ZBTB41: variants seen among roughly 807,000 people sequenced by gnomAD.
ZBTB41 encodes zinc finger and BTB domain-containing protein 41.
Under a neutral mutation model 87.6 loss-of-function variants are expected in ZBTB41, and 42 were observed. That is an observed-to-expected ratio of 0.48 (90% CI 0.37 to 0.62). The LOEUF is 0.62. Among genes scored for constraint, ZBTB41 ranks in the 20% least tolerant of loss-of-function variants. The probability of loss-of-function intolerance (pLI) is 0.00; values close to 1 mark genes in which losing one functional copy is unlikely to be tolerated. For missense variants in ZBTB41, 799 were observed against 1,078.9 expected (o/e 0.74, Z 3.63); for synonymous variants, 364 against 364.0 (o/e 1.00, Z 0.00).
At chr1:197,168,611 C>A (rs1210924135) in intron 10 of ZBTB41, among the ~76,000 whole-genome samples, 1 of 151,780 alleles carries the variant, frequency 6.6e-6, no homozygotes, top group Non-Finnish European at 1.5e-5. Flanking sequence ...CAAACAAAAA[C>A]AAATTATAGA....
intron 9 of ZBTB41, among the ~76,000 whole-genome samples, chr1:197,172,849 T>C (rs1398507406): frequency 1.3e-5 from 2 of 152,086 alleles, no homozygotes. Flanking sequence ...ATTGCTCTCA[T>C]CAGTTCATGT....
At chr1:197,200,653 G>A (rs1265467315) in intron 1 of ZBTB41, 63 bp from the exon 2 acceptor site, 3 of 479,608 alleles carry the variant, frequency 6.3e-6, no homozygotes, top group Non-Finnish European at 1.1e-5. Context: ...ATCAGCCAAC[G>A]GCAATCATCA....
intron 10 of ZBTB41, among the ~76,000 whole-genome samples, chr1:197,165,991 G>C (rs932845354): frequency 1.3e-5 from 2 of 151,636 alleles, no homozygotes; most frequent in African/African-American, 4.8e-5. Context: ...GCTGAACAAA[G>C]AGAACACATG....
At chr1:197,188,239 G>A in intron 5 of ZBTB41, 53 bp downstream of exon 5, 1 of 1,592,860 alleles carries the variant, frequency 6.3e-7, no homozygotes, top group Non-Finnish European at 8.6e-7. Flanking sequence ...CCTCCAGCAT[G>A]ATGTGATAAT....
chr1:197,157,022 A>G lies in ZBTB41; in HGVS notation c.*2337T>C, dbSNP rs1349037213. The G allele has an allele frequency of 6.6e-6, 1 of 152,208 alleles. No individual in the cohort carries two copies. The highest frequency in any genetic ancestry group is 6.6e-5 in the Admixed American group (1 of 15,220). The allele number at this position is 152,208 out of a possible 1,614,324, so 9.4% of individuals were successfully genotyped here. On this transcript the variant is annotated 3_prime_UTR_variant, in exon 11 of 11. Coordinates refer to ENST00000367405, the MANE Select transcript of ZBTB41 (RefSeq NM_194314.3). The stretch of plus-strand genomic sequence containing the variant: ...GGTTATGAGGTTCAAATGAGATAAC[A>G]TATATGAAAGCATTTTATAAAACAG...
intron 3 of ZBTB41, 27 bp downstream of exon 3, chr1:197,191,646 TTAAAAGGCACAATAAAGTA>T: frequency 6.7e-7 from 1 of 1,482,140 alleles, no homozygotes; most frequent in Non-Finnish European, 9.1e-7. Context: ...CATATTTAAA[TTAAAAGGCACAATAAAGTA>T]TATTATGGAA....
At chr1:197,189,688 TGTA>T (rs1269402098) in intron 4 of ZBTB41, among the ~76,000 whole-genome samples, 1 of 152,180 alleles carries the variant, frequency 6.6e-6, no homozygotes, top group Non-Finnish European at 1.5e-5. Context: ...GCCAACAAAA[TGTA>T]GTAGAAGTGA....
At chr1:197,191,937 T>A (rs1421089793) in intron 2 of ZBTB41, 38 bp from the exon 3 acceptor site, 7 of 1,478,528 alleles carry the variant, frequency 4.7e-6, no homozygotes, top group Non-Finnish European at 6.4e-6. Flanking sequence ...ATTTAGTACA[T>A]TTGCTATACT....
At chr1:197,170,462 G>T (rs1414120034) in intron 10 of ZBTB41, among the ~76,000 whole-genome samples, 2 of 152,174 alleles carry the variant, frequency 1.3e-5, no homozygotes, top group South Asian at 2.1e-4. Context: ...ACCCTAGCTA[G>T]TAAACATTAA....
At position 197,182,482 on chromosome 1, in the gene ZBTB41, G is replaced by C. The variant is rs187311381; in HGVS notation, c.1547-1365C>G. On this transcript the variant is annotated intron_variant, in intron 5 of 10. Coordinates refer to ENST00000367405, the MANE Select transcript of ZBTB41 (RefSeq NM_194314.3). ...TATATAGACAGTATCTCACTAGGTT[G>C]CCCAGGCTGGTCTCAAACTCCTGGG... Among the ~76,000 whole-genome samples the C allele has an allele frequency of 1.7e-3, 211 of 122,266 alleles. 2 individuals are homozygous for C. The highest frequency in any genetic ancestry group is 5.2e-3 in the African/African-American group (200 of 38,430). The allele number at this position is 122,266 out of a possible 152,430, so 80.2% of individuals were successfully genotyped here. A position where few individuals can be genotyped will look rare whatever the true frequency, so the allele number is the denominator to read the frequency against.
At position 197,178,331 on chromosome 1, in the gene ZBTB41, A is replaced by C. The variant is rs896358745; in HGVS notation, c.1772+86T>G. The C allele has an allele frequency of 6.3e-6, 6 of 947,052 alleles. No homozygotes were observed. The Admixed American group carries it at 8.7e-5, about 14-fold the overall frequency. The allele number at this position is 947,052 out of a possible 1,614,324, so 58.7% of individuals were successfully genotyped here. On this transcript the variant is annotated intron_variant, in intron 7 of 10. Coordinates refer to ENST00000367405, the MANE Select transcript of ZBTB41 (RefSeq NM_194314.3). ...TATCATAAGGACTAAGAAATGTTTC[A>C]ATTCAACAAAGTAATAAGAAAATAG...
At chr1:197,174,939 C>CA (rs1659566205) in intron 9 of ZBTB41, 71 bp downstream of exon 9, 1 of 1,269,420 alleles carries the variant, frequency 7.9e-7, no homozygotes, top group Admixed American at 2.1e-5. Flanking sequence ...ACAAAGTAAA[C>CA]AAAAAAAGTT....
chr1:197,165,923 C>T (rs1323037213), intron 10 of ZBTB41, among the ~76,000 whole-genome samples: 2 of 152,138 alleles, frequency 1.3e-5, no homozygotes, highest in Non-Finnish European at 2.9e-5. Context: ...ACTGGCTAGA[C>T]AGTGGGTGCA....
intron 5 of ZBTB41, among the ~76,000 whole-genome samples, chr1:197,187,863 G>T (rs1053338557): frequency 6.6e-6 from 1 of 152,154 alleles, no homozygotes; most frequent in African/African-American, 2.4e-5. Flanking sequence ...TGGTTGCCAG[G>T]GGTTGGTGTG....
At chr1:197,176,507 G>A in intron 8 of ZBTB41, 57 bp downstream of exon 8, 1 of 1,176,032 alleles carries the variant, frequency 8.5e-7, no homozygotes, top group Admixed American at 1.8e-5. Flanking sequence ...ATCATATTAT[G>A]TTCCTTTCAG....
In ZBTB41 at chr1:197,199,864, A is replaced by G; in HGVS notation, c.610T>C (p.Ser204Pro). ...ETLNELTGRL[S>P]NNHQCKFCSR... The stretch of plus-strand genomic sequence containing the variant: ...CAGAATTTGCACTGATGATTATTTG[A>G]TAGTCTTCCAGTTAATTCATTTAGT... The change falls in exon 2 of 11, where the codon TCA (serine) becomes CCA (proline). Residue 204 changes from serine (S) to proline (P), a missense_variant. Coordinates refer to ENST00000367405, the MANE Select transcript of ZBTB41 (RefSeq NM_194314.3). 2 of 1,609,740 alleles carry G rather than the reference A, an allele frequency of 1.2e-6. No homozygotes were observed. The highest frequency in any genetic ancestry group is 8.5e-7 in the Non-Finnish European group (1 of 1,178,494).
At chr1:197,200,617 A>G (rs1652730582) in intron 1 of ZBTB41, 27 bp from the exon 2 acceptor site, 1 of 661,118 alleles carries the variant, frequency 1.5e-6, no homozygotes, top group Non-Finnish European at 2.4e-6. Context: ...ACCACGTAAA[A>G]TAACTCCATG....
At chr1:197,167,867 A>G (rs947084136) in intron 10 of ZBTB41, among the ~76,000 whole-genome samples, 1 of 152,224 alleles carries the variant, frequency 6.6e-6, no homozygotes, top group South Asian at 2.1e-4. Flanking sequence ...TCTACTGGAG[A>G]TGTGACCAAA....
chr1:197,181,680 G>A (rs985643965), intron 5 of ZBTB41, among the ~76,000 whole-genome samples: 1 of 152,064 alleles, frequency 6.6e-6, no homozygotes, highest in Admixed American at 6.6e-5. Flanking sequence ...ACAGCTCAAA[G>A]AAGCTATATA....
Sources: gnomAD v4.1 joint callset for allele counts (sites outside exome capture counted in the v4.1 genomes callset) on GRCh38, gnomAD v4.1.1 for gene constraint, MANE v1.5 for transcripts, NCBI Gene and HGNC (gene_info 2026-07-23, HGNC 2026-07-21) for gene names.